Variants in ADGRE1 observed in about 807,000 individuals in gnomAD.
The protein encoded by ADGRE1 is EGF-like module receptor 1.
Under a neutral mutation model 102.7 loss-of-function variants are expected in ADGRE1, and 82 were observed. The observed-to-expected ratio is 0.80, with a 90% CI of 0.67 to 0.96. The LOEUF (loss-of-function observed/expected upper bound fraction) is 0.96. Ranked by LOEUF, ADGRE1 falls within the 40% of genes least tolerant of loss-of-function variation. The pLI, the probability that ADGRE1 is intolerant of heterozygous loss-of-function variation, is 0.00. For missense variants in ADGRE1, 1,032 were observed against 1,085.3 expected (o/e 0.95, Z 0.69); for synonymous variants, 398 against 399.6 (o/e 1.00, Z 0.05).
chr19:6,930,660 CAG>C (rs1975100692), intron 17 of ADGRE1, among the ~76,000 whole-genome samples: 1 of 151,952 alleles, frequency 6.6e-6, no homozygotes, highest in Admixed American at 6.6e-5. Context: ...TATTTTGAGA[CAG>C]AGTCTTGCTC....
Position 6,937,648 on chromosome 19 carries a change from G to A in ADGRE1, c.2655G>A (p.Thr885=), listed in dbSNP as rs768168498. The change falls in exon 20 of 21, where the codon ACG becomes ACA. Residue 885 remains threonine (T), a splice_region_variant and synonymous_variant. Transcript: ENST00000312053. ...LLSSMPSASK[T]G is the part of the protein sequence containing the mutation. ...CCTCCATGCCATCCGCTTCCAAGAC[G>A]GTGAGAGACTGCATGCTCCCTGCAG... 58 of 1,613,676 alleles carry A rather than the reference G, an allele frequency of 3.6e-5. 1 individual carries two copies. The highest frequency in any genetic ancestry group is 1.3e-4 in the South Asian group (12 of 91,052).
At chr19:6,936,005 A>T (rs117839945) in intron 18 of ADGRE1, among the ~76,000 whole-genome samples, 5 of 152,252 alleles carry the variant, frequency 3.3e-5, no homozygotes, top group Non-Finnish European at 7.4e-5. Context: ...TCCCCACTCA[A>T]CTACTGTTCA....
At chr19:6,913,266 C>T (rs1974263458) in intron 10 of ADGRE1, among the ~76,000 whole-genome samples, 1 of 152,112 alleles carries the variant, frequency 6.6e-6, no homozygotes, top group Non-Finnish European at 1.5e-5. Context: ...GCAAGCTCTG[C>T]CTCCTGGGTT....
chr19:6,896,569 A>C (rs772839413), intron 3 of ADGRE1, 28 bp downstream of exon 3: 1 of 1,604,348 alleles, frequency 6.2e-7, no homozygotes, highest in South Asian at 1.1e-5. Context: ...CAAACCATCC[A>C]GCATTTGGTA....
At chr19:6,918,120 T>C (rs1974470726) in intron 12 of ADGRE1, among the ~76,000 whole-genome samples, 3 of 151,978 alleles carry the variant, frequency 2.0e-5, no homozygotes, top group African/African-American at 7.3e-5. Context: ...GTAATATCAG[T>C]TATTGAAGTA....
chr19:6,926,870 G>A (rs1974934669), intron 16 of ADGRE1, among the ~76,000 whole-genome samples: 1 of 151,408 alleles, frequency 6.6e-6, no homozygotes, highest in Admixed American at 6.6e-5. Flanking sequence ...TTTCTTGCGT[G>A]TATGACATGG....
At chr19:6,912,022 C>T (rs1458904194) in intron 10 of ADGRE1, among the ~76,000 whole-genome samples, 2 of 151,804 alleles carry the variant, frequency 1.3e-5, no homozygotes, top group African/African-American at 4.8e-5. Flanking sequence ...CATATACACA[C>T]TCCTGACACA....
chr19:6,929,453 G>A (rs1447535071), intron 17 of ADGRE1, among the ~76,000 whole-genome samples: 2 of 152,040 alleles, frequency 1.3e-5, no homozygotes, highest in East Asian at 1.9e-4. Flanking sequence ...TCTTTACTTG[G>A]CTGGCACCAT....
rs775311723 is a variant in ADGRE1 at position 6,926,507 on chromosome 19, A to T, written c.2128A>T (p.Met710Leu). ...TTACTTCAGCTCTCGCAACATCAAG[A>T]TGCTGCACATCTGTGCCTTTGGTTA... is the stretch of plus-strand genomic sequence containing the variant. Reference protein sequence around the residue: ...VNYFSSRNIKMLHICAFGYGL... With the variant: ...VNYFSSRNIKLLHICAFGYGL... Residue 710 changes from methionine (M) to leucine (L), a missense_variant, in exon 16 of 21, where the codon ATG becomes TTG. Physicochemically the swap from Met to Leu is conservative, Grantham distance 15. Coordinates refer to ENST00000312053, the MANE Select transcript of ADGRE1 (RefSeq NM_001974.5). 6 of 1,614,226 alleles carry T rather than the reference A, an allele frequency of 3.7e-6. No homozygotes were observed. Among genetic ancestry groups the T allele is most frequent in the Non-Finnish European group, 5.1e-6 (6 of 1,180,046 alleles).
chr19:6,890,301 A>C (rs1473931114), intron 1 of ADGRE1, among the ~76,000 whole-genome samples, 180 bp from the exon 2 acceptor site: 1 of 152,098 alleles, frequency 6.6e-6, no homozygotes, highest in Non-Finnish European at 1.5e-5. Context: ...AGGAATGGTC[A>C]TTGTTAAGCT....
chr19:6,911,698 C>T (rs1041393060), intron 10 of ADGRE1, among the ~76,000 whole-genome samples: 1 of 151,350 alleles, frequency 6.6e-6, no homozygotes, highest in South Asian at 2.1e-4. Context: ...CGTATACACA[C>T]GTGTACACAC....
chr19:6,895,009 C>G (rs1973499791), intron 2 of ADGRE1: 1 of 152,204 alleles, frequency 6.6e-6, no homozygotes. Flanking sequence ...TGAAACAATG[C>G]AGATGTTTAT....
chr19:6,926,618 C>G lies in ADGRE1; in HGVS notation c.2222+17C>G. ...GCATAATCGGTGAGTGACATCCTCT[C>G]TCTTCCTGAAGACCCTGCTGCCAGG... On this transcript the variant is annotated intron_variant, in intron 16 of 20. Coordinates refer to ENST00000312053, the MANE Select transcript of ADGRE1 (RefSeq NM_001974.5). 1 of 1,613,010 alleles carries G rather than the reference C, an allele frequency of 6.2e-7. No individual in the cohort carries two copies.
At chr19:6,929,747 C>T (rs985856810) in intron 17 of ADGRE1, among the ~76,000 whole-genome samples, 3 of 152,150 alleles carry the variant, frequency 2.0e-5, no homozygotes, top group African/African-American at 7.2e-5. Context: ...TCTCAAACTC[C>T]TGACCTCACG....
intron 1 of ADGRE1, among the ~76,000 whole-genome samples, chr19:6,889,566 G>A (rs1174896636): frequency 1.3e-5 from 2 of 151,018 alleles, no homozygotes; most frequent in Non-Finnish European, 3.0e-5. Flanking sequence ...GTGCGTGCTT[G>A]TAATCCCAGC....
intron 10 of ADGRE1, among the ~76,000 whole-genome samples, chr19:6,911,384 A>ATTTTTTTTTTT (rs1974168471): frequency 2.9e-5 from 1 of 34,768 alleles, no homozygotes; most frequent in African/African-American, 6.2e-5. Context: ...GATTCCTTTT[A>ATTTTTTTTTTT]GTTTTTTTTT....
At position 6,926,297 on chromosome 19, in the gene ADGRE1, C is replaced by A. The variant is rs898430325; in HGVS notation, c.1987-69C>A. 5.8e-6 allele frequency: 9 copies of A among 1,546,652 alleles called. No homozygotes were observed. The African/African-American group carries it at 1.1e-4, about 19-fold the overall frequency. On this transcript the variant is annotated intron_variant, in intron 15 of 20. Transcript: ENST00000312053. ...GGGAATTTCCAGCCGAGGAGTCTCT[C>A]TCTTCCTTTCTTCCTTTCGATTTCT...
At chr19:6,898,669 C>A in intron 5 of ADGRE1, 1 of 1,200,256 alleles carries the variant, frequency 8.3e-7, no homozygotes, top group Non-Finnish European at 1.2e-6. Context: ...TTGCAGCTGT[C>A]AAGTTGGATT....
At chr19:6,888,223 A>C (rs536559973) in intron 1 of ADGRE1, among the ~76,000 whole-genome samples, 20 of 152,330 alleles carry the variant, frequency 1.3e-4, no homozygotes, top group Admixed American at 6.5e-4. Context: ...ATGTTGCCCC[A>C]AAAAATAAGT....
Sources: allele counts gnomAD v4.1 joint callset (sites outside exome capture counted in the v4.1 genomes callset), GRCh38; gene constraint gnomAD v4.1.1; transcripts MANE v1.5; gene names NCBI Gene and HGNC (gene_info 2026-07-23, HGNC 2026-07-21).